The following RNF213 variants were observed in gnomAD, a reference collection of about 807,000 sequenced individuals.
The protein encoded by RNF213 is ring finger protein 213.
Under a neutral mutation model 514.4 loss-of-function variants are expected in RNF213, and 341 were observed. The ratio of observed to expected loss-of-function variants is 0.66; its 90% CI spans 0.61 to 0.73. RNF213 has a LOEUF of 0.73. Among genes scored for constraint, RNF213 ranks in the 30% least tolerant of loss-of-function variants. The pLI, the probability that RNF213 is intolerant of heterozygous loss-of-function variation, is 0.00. For synonymous variants in RNF213, 2,655 were observed against 2,658.2 expected (o/e 1.00, Z 0.04); for missense variants, 5,767 against 6,615.6 (o/e 0.87, Z 4.45).
intron 3 of RNF213, among the ~76,000 whole-genome samples, chr17:80,277,998 C>G (rs1027513813): frequency 1.3e-5 from 2 of 152,244 alleles, no homozygotes; most frequent in Non-Finnish European, 2.9e-5. Flanking sequence ...CAGCCATCCT[C>G]CACTTGGCCT....
At chr17:80,368,944 T>G (rs1428233194) in intron 44 of RNF213, among the ~76,000 whole-genome samples, 3 of 152,170 alleles carry the variant, frequency 2.0e-5, no homozygotes, top group African/African-American at 7.2e-5. Flanking sequence ...GCAAGCCCAG[T>G]GGATGGGTTC....
At chr17:80,311,259 G>A (rs987134180) in intron 14 of RNF213, among the ~76,000 whole-genome samples, 56 of 152,230 alleles carry the variant, frequency 3.7e-4, no homozygotes, top group African/African-American at 1.3e-3. Context: ...CGTGACGCAT[G>A]TTGAAGAAAC....
At chr17:80,349,947 G>A in intron 30 of RNF213, 41 bp downstream of exon 30, 1 of 1,611,846 alleles carries the variant, frequency 6.2e-7, no homozygotes. Flanking sequence ...TCCCTCCCCA[G>A]CCGCAGCCGT....
chr17:80,379,183 GCT>G (rs962562388), intron 54 of RNF213, among the ~76,000 whole-genome samples: 6 of 152,250 alleles, frequency 3.9e-5, no homozygotes, highest in Admixed American at 3.9e-4. Flanking sequence ...ACAGAGCGAG[GCT>G]CTGTCTCATA....
chr17:80,398,288 G>A lies in RNF213; in HGVS notation c.*4790G>A, dbSNP rs942651755. 6.6e-6 allele frequency: 1 copy of A among 152,098 alleles called. No individual in the cohort carries two copies. 9.4% of individuals were successfully genotyped at this position (152,098 alleles called of 1,614,324 possible). A position where few individuals can be genotyped will look rare whatever the true frequency, so the allele number is the denominator to read the frequency against. On this transcript the variant is annotated 3_prime_UTR_variant, in exon 68 of 68. Coordinates refer to ENST00000582970, the MANE Select transcript of RNF213 (RefSeq NM_001256071.3). Reference sequence around the variant, plus strand: ...CTTTTTACCTGTTCTTTGTTTTGTGGTATGCGTGTAGGGTGAGCGTAATGT... The same window carrying A: ...CTTTTTACCTGTTCTTTGTTTTGTGATATGCGTGTAGGGTGAGCGTAATGT...
intron 13 of RNF213, 76 bp downstream of exon 13, chr17:80,307,277 G>A (rs983000078): frequency 6.3e-6 from 8 of 1,269,650 alleles, no homozygotes; most frequent in African/African-American, 4.5e-5. Context: ...ATAATTGGCC[G>A]TGACCCACAT....
At position 80,346,537 on chromosome 17, in the gene RNF213, C is replaced by T. The variant is rs79787507; in HGVS notation, c.8202C>T (p.Asp2734=). ...EITRAQDLFL[D]GVPLRKTIAK... ...CACGGGCACAGGATCTTTTTCTGGACGGCGTACCTCTGAGGAAAACCATCG... is the reference window on the plus strand; with the variant it reads ...CACGGGCACAGGATCTTTTTCTGGATGGCGTACCTCTGAGGAAAACCATCG... Residue 2734 remains aspartate (D), a synonymous_variant, in exon 29 of 68, where the codon GAC becomes GAT. Coordinates refer to ENST00000582970, the MANE Select transcript of RNF213 (RefSeq NM_001256071.3). The surrounding 1 kb of genome is among the most constrained non-coding windows in gnomAD (Gnocchi z 8.1). 3.1e-4 allele frequency: 494 copies of T among 1,613,414 alleles called. No homozygotes were observed. In the African/African-American group the frequency reaches 4.6e-3, roughly 15 times the overall value.
Position 80,344,731 on chromosome 17 carries a change from C to G in RNF213, c.6396C>G (p.Cys2132Trp). 1 of 1,614,172 alleles carries G rather than the reference C, an allele frequency of 6.2e-7. No individual in the cohort carries two copies. Among genetic ancestry groups the G allele is most frequent in the Non-Finnish European group, 8.5e-7 (1 of 1,180,022 alleles). ...SFLDIFPKVT[C>W]RPPKEVIDME... Reference sequence around the variant, plus strand: ...TTGACATCTTCCCAAAAGTCACCTGCAGGCCTCCCAAAGAGGTGATAGACA... The same window carrying G: ...TTGACATCTTCCCAAAAGTCACCTGGAGGCCTCCCAAAGAGGTGATAGACA... The change falls in exon 29 of 68, where the codon TGC becomes TGG. Residue 2132 changes from cysteine (C) to tryptophan (W), a missense_variant. By Grantham distance (215) the Cys-to-Trp change is radical (BLOSUM62 -2). This residue lies in a region of RNF213 where 1,377 missense variants were observed against 1,635.2 expected (regional missense o/e 0.84). Coordinates refer to ENST00000582970, the MANE Select transcript of RNF213 (RefSeq NM_001256071.3).
intron 2 of RNF213, among the ~76,000 whole-genome samples, chr17:80,269,699 ATCTT>A (rs369740181): frequency 4.0e-4 from 60 of 151,898 alleles, no homozygotes; most frequent in African/African-American, 1.4e-3. Flanking sequence ...CTATGTATCT[ATCTT>A]ATGTATCTAT....
rs1028528992 is a variant in RNF213, at chr17:80,263,761, C to T, written c.80C>T (p.Pro27Leu). The T allele has an allele frequency of 3.1e-6, 5 of 1,613,996 alleles. No individual in the cohort carries two copies. Among genetic ancestry groups the T allele is most frequent in the South Asian group, 1.1e-5 (1 of 91,082 alleles). ...AGCCAGTGCGGAGAGAGGCTGCCTC[C>T]TGCAGCCCCCATAGCAGGTGAGGCC... ...FCSQCGERLP[P>L]AAPIADSENN... is the part of the protein sequence containing the mutation. Residue 27 changes from proline to leucine, a missense_variant, in exon 2 of 68, where the codon CCT becomes CTT. Pro to Leu is a moderately conservative substitution (Grantham distance 98). Coordinates refer to ENST00000582970, the MANE Select transcript of RNF213 (RefSeq NM_001256071.3). The surrounding 1 kb of genome is among the most constrained non-coding windows in gnomAD (Gnocchi z 4.9).
In RNF213 at chr17:80,385,068, G is replaced by A; in HGVS notation, c.14352G>A (p.Leu4784=). ...KEAELRLVKF[L]PEILALQRDL... ...CAGAGCTGAGGCTGGTAAAGTTCCT[G>A]CCTGAGATTTTGGCCTTGCAAAGGG... The change falls in exon 60 of 68, where the codon CTG becomes CTA. Residue 4784 remains leucine, a synonymous_variant. Coordinates refer to ENST00000582970, the MANE Select transcript of RNF213 (RefSeq NM_001256071.3). 1 of 1,614,190 alleles carries A rather than the reference G, an allele frequency of 6.2e-7. No individual in the cohort carries two copies. Among genetic ancestry groups the A allele is most frequent in the Non-Finnish European group, 8.5e-7 (1 of 1,180,026 alleles).
Position 80,369,826 on chromosome 17 carries a change from T to G in RNF213, c.12384T>G (p.Pro4128=). The change falls in exon 46 of 68, where the codon CCT becomes CCG. Residue 4128 remains proline (P), a synonymous_variant. Coordinates refer to ENST00000582970, the MANE Select transcript of RNF213 (RefSeq NM_001256071.3). ...SPFNDVVDKT[P]VIRSVILKLL... ...TCAATGATGTTGTGGATAAGACTCC[T>G]GTCATCCGCTCAGTGATACTGAAAC... 1 of 1,613,806 alleles carries G rather than the reference T, an allele frequency of 6.2e-7. No individual in the cohort carries two copies. The highest frequency in any genetic ancestry group is 8.5e-7 in the Non-Finnish European group (1 of 1,179,734).
At chr17:80,282,002 G>T (rs1008979628) in intron 3 of RNF213, among the ~76,000 whole-genome samples, 10 of 151,962 alleles carry the variant, frequency 6.6e-5, no homozygotes, top group Non-Finnish European at 1.3e-4. Flanking sequence ...GACTATAGGC[G>T]CCTGCCACCA....
chr17:80,381,253 A>G, intron 56 of RNF213: 1 of 598,346 alleles, frequency 1.7e-6, no homozygotes, highest in Non-Finnish European at 3.0e-6. Context: ...AGAGGCTGAC[A>G]TCTTCATTAT....
chr17:80,277,337 C>A (rs1296739248), intron 3 of RNF213, among the ~76,000 whole-genome samples: 1 of 151,962 alleles, frequency 6.6e-6, no homozygotes, highest in African/African-American at 2.4e-5. Context: ...TGGCTTCTCA[C>A]CTGTAATCCC....
chr17:80,385,232 T>C (rs886975116), intron 60 of RNF213, 61 bp downstream of exon 60: 2 of 1,600,442 alleles, frequency 1.2e-6, no homozygotes, highest in Admixed American at 1.7e-5. Flanking sequence ...AAAGGATCAC[T>C]GCATAGGGGA....
rs1027632414 is a variant in RNF213 at position 80,263,977 on chromosome 17, G to C, written c.97+199G>C. ...GTCTGTTTTGGGGTGGCATAGATTA[G>C]TCTCCCACACAGGTCAAGCCAGGGG... On this transcript the variant is annotated intron_variant, in intron 2 of 67. Coordinates refer to ENST00000582970, the MANE Select transcript of RNF213 (RefSeq NM_001256071.3). The surrounding 1 kb of genome is among the most constrained non-coding windows in gnomAD (Gnocchi z 4.9). Among the ~76,000 whole-genome samples the C allele has an allele frequency of 1.3e-5, 2 of 152,248 alleles. No individual in the cohort carries two copies. Among genetic ancestry groups the C allele is most frequent in the African/African-American group, 4.8e-5 (2 of 41,562 alleles).
intron 67 of RNF213, among the ~76,000 whole-genome samples, chr17:80,391,760 CTTTTTT>C (rs779136667): frequency 4.6e-3 from 403 of 88,478 alleles, no homozygotes; most frequent in African/African-American, 0.017. Flanking sequence ...ATAAACTAGC[CTTTTTT>C]TTTTTTTTTT....
chr17:80,386,148 C>CTG, intron 61 of RNF213, 102 bp from the exon 62 acceptor site: 3 of 1,151,138 alleles, frequency 2.6e-6, no homozygotes, highest in Non-Finnish European at 3.9e-6. Flanking sequence ...CGGCTCCCGG[C>CTG]TGTGTGTGGA....
Sources: allele counts gnomAD v4.1 joint callset (sites outside exome capture counted in the v4.1 genomes callset), GRCh38; gene constraint gnomAD v4.1.1; regional missense constraint gnomAD v4.1.1; non-coding constraint Gnocchi (gnomAD v3.1); transcripts MANE v1.5; gene names NCBI Gene and HGNC (gene_info 2026-07-23, HGNC 2026-07-21).